Variants in F13A1 observed in about 807,000 individuals in gnomAD.
F13A1 encodes the protein FSF, A subunit.
Under a neutral mutation model 80.1 loss-of-function variants are expected in F13A1, and 47 were observed. That is an observed-to-expected ratio of 0.59 (90% confidence interval 0.46 to 0.75). F13A1 has a LOEUF of 0.75. Among genes scored for constraint, F13A1 ranks in the 30% least tolerant of loss-of-function variants. The pLI is 0.00. For synonymous variants in F13A1, 349 were observed against 344.9 expected (o/e 1.01, Z -0.13); for missense variants, 817 against 930.4 (o/e 0.88, Z 1.59).
rs142105623 is a variant in F13A1, at chr6:6,260,048, C to T, written c.571+6510G>A. On this transcript the variant is annotated intron_variant, in intron 4 of 14. Transcript: ENST00000264870. ...AACATGATGAATTCATAATAACTGCCCGTCTCACTCCTGCTGCCTTTGTGG... is the reference window on the plus strand; with the variant it reads ...AACATGATGAATTCATAATAACTGCTCGTCTCACTCCTGCTGCCTTTGTGG... Among the ~76,000 whole-genome samples the T allele has an allele frequency of 1.7e-3, 264 of 152,250 alleles. 1 individual carries two copies. The highest frequency in any genetic ancestry group is 5.9e-3 in the African/African-American group (245 of 41,522).
At chr6:6,178,278 T>C (rs754936607) in intron 11 of F13A1, among the ~76,000 whole-genome samples, 6 of 152,300 alleles carry the variant, frequency 3.9e-5, no homozygotes, top group Non-Finnish European at 8.8e-5. Context: ...GAAACTTTTA[T>C]TGGACACTTA....
intron 13 of F13A1, among the ~76,000 whole-genome samples, chr6:6,166,521 A>T (rs899793016): frequency 2.0e-5 from 3 of 152,202 alleles, no homozygotes; most frequent in African/African-American, 7.2e-5. Context: ...CTTCAAGAAG[A>T]TTGTTCTCCA....
At chr6:6,256,603 A>G (rs1444812219) in intron 4 of F13A1, among the ~76,000 whole-genome samples, 5 of 152,158 alleles carry the variant, frequency 3.3e-5, no homozygotes, top group Admixed American at 3.3e-4. Flanking sequence ...TGGGAATGGA[A>G]GGGTAGTTAA....
chr6:6,182,667 T>G (rs1310719880), intron 10 of F13A1, among the ~76,000 whole-genome samples: 1 of 152,194 alleles, frequency 6.6e-6, no homozygotes, highest in Middle Eastern at 3.2e-3. Context: ...TTGAAGCTGC[T>G]GTGGCCATCG....
intron 3 of F13A1, among the ~76,000 whole-genome samples, chr6:6,303,443 G>A (rs1758464701): frequency 6.6e-6 from 1 of 152,100 alleles, no homozygotes; most frequent in South Asian, 2.1e-4. Flanking sequence ...GGGATGTGAT[G>A]TTTTGATCAA....
intron 6 of F13A1, among the ~76,000 whole-genome samples, chr6:6,241,719 T>C (rs1000810789): frequency 6.6e-6 from 1 of 152,188 alleles, no homozygotes; most frequent in Non-Finnish European, 1.5e-5. Flanking sequence ...ATAAAACTGT[T>C]ACGAAAGTAC....
chr6:6,175,570 A>G (rs1471389095), intron 11 of F13A1, among the ~76,000 whole-genome samples: 4 of 152,216 alleles, frequency 2.6e-5, no homozygotes, highest in South Asian at 2.1e-4. Context: ...GATCCCTTGG[A>G]GATGCCCTAG....
At chr6:6,166,186 A>G (rs1760668495) in intron 13 of F13A1, among the ~76,000 whole-genome samples, 1 of 152,194 alleles carries the variant, frequency 6.6e-6, no homozygotes, top group Non-Finnish European at 1.5e-5. Context: ...TCTGTGCTTC[A>G]GTTTTCTCAT....
Position 6,250,147 on chromosome 6 carries a change from G to A in F13A1, c.690+664C>T, listed in dbSNP as rs957482520. Reference sequence around the variant, plus strand: ...AATGACATTCGCCCCCGCTTGTGTCGCTAATTAAAAATCATTTTGAAATCA... The same window carrying A: ...AATGACATTCGCCCCCGCTTGTGTCACTAATTAAAAATCATTTTGAAATCA... On this transcript the variant is annotated intron_variant, in intron 5 of 14. Coordinates refer to ENST00000264870, the MANE Select transcript of F13A1 (RefSeq NM_000129.4). The surrounding 1 kb of genome is among the most constrained non-coding windows in gnomAD (Gnocchi z 4.2). Among the ~76,000 whole-genome samples, 3 of 152,202 alleles carry A rather than the reference G, an allele frequency of 2.0e-5. No individual in the cohort carries two copies. Among genetic ancestry groups the A allele is most frequent in the Middle Eastern group, 3.4e-3 (1 of 294 alleles).
intron 4 of F13A1, among the ~76,000 whole-genome samples, chr6:6,253,142 C>CAAAAA (rs397886568): frequency 5.4e-5 from 4 of 73,986 alleles, no homozygotes; most frequent in Non-Finnish European, 7.8e-5. Flanking sequence ...GAATCTGTCC[C>CAAAAA]AAAAAAAAAA....
chr6:6,195,696 T>A, intron 10 of F13A1, 101 bp downstream of exon 10: 2 of 1,014,630 alleles, frequency 2.0e-6, no homozygotes, highest in South Asian at 2.7e-5. Flanking sequence ...AAGCATACGC[T>A]ATGTACCTGG....
At chr6:6,192,376 C>T (rs2151081001) in intron 10 of F13A1, among the ~76,000 whole-genome samples, 1 of 152,148 alleles carries the variant, frequency 6.6e-6, no homozygotes, top group Middle Eastern at 3.4e-3. Context: ...TAGGAGGTAA[C>T]TTTATGGAGC....
At chr6:6,301,831 T>C (rs78107454) in intron 3 of F13A1, among the ~76,000 whole-genome samples, 7,193 of 152,060 alleles carry the variant, frequency 0.047, 212 homozygotes, top group Middle Eastern at 0.11. Context: ...GTATAAAAGG[T>C]ATAACAGGCC....
Position 6,318,688 on chromosome 6 carries a change from G to GAAAAAAAAAAAA in F13A1, c.-18-18_-18-7dup, listed in dbSNP as rs398000295. 7 of 1,489,094 alleles carry GAAAAAAAAAAAA rather than the reference G, an allele frequency of 4.7e-6. No homozygotes were observed. The highest frequency in any genetic ancestry group is 4.0e-5 in the Admixed American group (2 of 50,604). The allele number at this position is 1,489,094 out of a possible 1,614,324, so 92.2% of individuals were successfully genotyped here. On this transcript the variant is annotated splice_region_variant and splice_polypyrimidine_tract_variant and intron_variant, in intron 1 of 14. Coordinates refer to ENST00000264870, the MANE Select transcript of F13A1 (RefSeq NM_000129.4). ...ATTTTTGACTTTACAAGGTCCTTCA[G>GAAAAAAAAAAAA]AAAAAAAAAAAAAAGAAGACAACAG...
chr6:6,195,890 A>T lies in F13A1; in HGVS notation c.1217-5T>A. On this transcript the variant is annotated splice_polypyrimidine_tract_variant and splice_region_variant and intron_variant, in intron 9 of 14. Transcript: ENST00000264870. ...CGGGGCCACACCGATACATGCCTGC[A>T]TTGCACAGAGGAAGGGCGGTGTGAG... is the stretch of plus-strand genomic sequence containing the variant. 6.2e-7 allele frequency: 1 copy of T among 1,613,960 alleles called. No individual in the cohort carries two copies. The highest frequency in any genetic ancestry group is 8.5e-7 in the Non-Finnish European group (1 of 1,179,884).
chr6:6,281,755 A>T (rs1222560583), intron 3 of F13A1, among the ~76,000 whole-genome samples: 1 of 151,966 alleles, frequency 6.6e-6, no homozygotes, highest in African/African-American at 2.4e-5. Context: ...GCACCTTGGG[A>T]GGCCAAGGCA....
At position 6,197,275 on chromosome 6, in the gene F13A1, A is replaced by C; in HGVS notation, c.1164T>G (p.Val388=). 1 of 1,614,212 alleles carries C rather than the reference A, an allele frequency of 6.2e-7. No homozygotes were observed. Among genetic ancestry groups the C allele is most frequent in the South Asian group, 1.1e-5 (1 of 91,084 alleles). The part of the protein sequence containing the change: ...EAWMTRPDLP[V]GFGGWQAVDS... ...CCACAGCTTGCCAGCCTCCAAATCC[A>C]ACAGGAAGGTCAGGCCTTGTCATCC... is the stretch of plus-strand genomic sequence containing the variant. The change falls in exon 9 of 15, where the codon GTT becomes GTG. Residue 388 remains valine (V), a synonymous_variant. Coordinates refer to ENST00000264870, the MANE Select transcript of F13A1 (RefSeq NM_000129.4).
intron 10 of F13A1, among the ~76,000 whole-genome samples, chr6:6,192,414 A>G (rs1761217344): frequency 6.6e-6 from 1 of 152,188 alleles, no homozygotes; most frequent in Non-Finnish European, 1.5e-5. Flanking sequence ...TCAGAGGGTA[A>G]CGATAGAGAT....
Position 6,305,354 on chromosome 6 carries a change from T to C in F13A1, c.316A>G (p.Ile106Val). The C allele has an allele frequency of 3.1e-6, 5 of 1,614,172 alleles. No individual in the cohort carries two copies. Among genetic ancestry groups the C allele is most frequent in the Non-Finnish European group, 3.4e-6 (4 of 1,180,028 alleles). ...GGAGCTTGCACATGGCACTCACCAATGACGTATTCCACCCTGAAGAGATCC... is the reference window on the plus strand; with the variant it reads ...GGAGCTTGCACATGGCACTCACCAACGACGTATTCCACCCTGAAGAGATCC... The part of the protein sequence containing the change: ...RRDLFRVEYV[I>V]GRYPQENKGT... The change falls in exon 3 of 15, where the codon ATT becomes GTT. Residue 106 changes from isoleucine to valine, a missense_variant. Coordinates refer to ENST00000264870, the MANE Select transcript of F13A1 (RefSeq NM_000129.4).
Sources: gnomAD v4.1 joint callset for allele counts (sites outside exome capture counted in the v4.1 genomes callset) on GRCh38, gnomAD v4.1.1 for gene constraint, Gnocchi (gnomAD v3.1) non-coding constraint, MANE v1.5 for transcripts, NCBI Gene and HGNC (gene_info 2026-07-23, HGNC 2026-07-21) for gene names.